The following BLTP3B variants were observed in gnomAD, a reference collection of about 807,000 sequenced individuals.
BLTP3B encodes the protein bridge-like lipid transfer protein family member 3B.
the BLTP3B span, chr12:100,102,777 A>C: frequency 1.9e-6 from 3 of 1,606,680 alleles, no homozygotes; most frequent in Non-Finnish European, 2.5e-6. Context: ...TTTGTCCTGA[A>C]GCAGTTGCAA....
chr12:100,107,289 C>CAA, the BLTP3B span, among the ~76,000 whole-genome samples: 553 of 35,018 alleles, frequency 0.016, no homozygotes, highest in East Asian at 0.03. Context: ...CTCCATCTCC[C>CAA]AAAAAAAAAA....
chr12:100,072,238 G>A, the BLTP3B span, among the ~76,000 whole-genome samples: 3 of 152,002 alleles, frequency 2.0e-5, no homozygotes, highest in Non-Finnish European at 4.4e-5. Context: ...CTCCAGCCTG[G>A]GCAACAGAGC....
the BLTP3B span, among the ~76,000 whole-genome samples, chr12:100,088,508 A>G: frequency 1.3e-5 from 2 of 152,232 alleles, no homozygotes; most frequent in Non-Finnish European, 1.5e-5. Context: ...CAAAATAGGT[A>G]GAAAAACTGC....
At chr12:100,059,212 CAGA>C in the BLTP3B span, 1 of 1,614,042 alleles carries the variant, frequency 6.2e-7, no homozygotes, top group Non-Finnish European at 8.5e-7. Context: ...TCCGTGGCAG[CAGA>C]AGTTTTAAGA....
the BLTP3B span, among the ~76,000 whole-genome samples, chr12:100,105,886 G>A: frequency 6.6e-6 from 1 of 152,152 alleles, no homozygotes; most frequent in African/African-American, 2.4e-5. Flanking sequence ...CCATTAAAAA[G>A]TGAGCAAGGA....
At chr12:100,141,007 C>T in the BLTP3B span, among the ~76,000 whole-genome samples, 3 of 151,836 alleles carry the variant, frequency 2.0e-5, no homozygotes, top group Non-Finnish European at 4.4e-5. Flanking sequence ...CATCCTTGGA[C>T]GAGTGAGAAA....
chr12:100,088,941 CAT>C, the BLTP3B span: 1 of 1,599,566 alleles, frequency 6.3e-7, no homozygotes, highest in Non-Finnish European at 8.5e-7. Flanking sequence ...AATGTCATCA[CAT>C]ATGTGTAGAT....
the BLTP3B span, chr12:100,072,837 G>A: frequency 5.7e-5 from 90 of 1,575,590 alleles, 1 homozygote; most frequent in Non-Finnish European, 7.4e-5. Flanking sequence ...TAAGTTTACT[G>A]AAATCACACT....
chr12:100,088,269 GC>G, the BLTP3B span, among the ~76,000 whole-genome samples: 1 of 152,154 alleles, frequency 6.6e-6, no homozygotes, highest in Non-Finnish European at 1.5e-5. Context: ...AGGCCTACCT[GC>G]TGAACTCAAC....
At chr12:100,121,936 A>G in the BLTP3B span, among the ~76,000 whole-genome samples, 4 of 152,036 alleles carry the variant, frequency 2.6e-5, no homozygotes, top group African/African-American at 9.7e-5. Context: ...TACATACTAT[A>G]TATATACACA....
chr12:100,133,709 T>C, the BLTP3B span, among the ~76,000 whole-genome samples: 1 of 152,170 alleles, frequency 6.6e-6, no homozygotes, highest in Non-Finnish European at 1.5e-5. Flanking sequence ...TATGCTAATA[T>C]TGCAACATCT....
chr12:100,124,936 T>TTATATATATATATATATATA, the BLTP3B span, among the ~76,000 whole-genome samples: 18 of 56,510 alleles, frequency 3.2e-4, no homozygotes, highest in East Asian at 2.2e-3. Flanking sequence ...AAAAAAAATT[T>TTATATATATATATATATATA]TATATATATA....
chr12:100,115,241 C>A, the BLTP3B span, among the ~76,000 whole-genome samples: 1 of 152,012 alleles, frequency 6.6e-6, no homozygotes, highest in Non-Finnish European at 1.5e-5. Context: ...CCCGTCTCCA[C>A]TAAAAATACC....
the BLTP3B span, among the ~76,000 whole-genome samples, chr12:100,048,578 A>G: frequency 6.6e-6 from 1 of 152,170 alleles, no homozygotes; most frequent in Middle Eastern, 3.2e-3. Context: ...CTCAAGAAGT[A>G]ACAAAAGCCT....
chr12:100,047,410 A>G, the BLTP3B span: 1 of 656,874 alleles, frequency 1.5e-6, no homozygotes, highest in Non-Finnish European at 2.6e-6. Flanking sequence ...AGGTAGGAGA[A>G]TCACTCGAAC....
the BLTP3B span, chr12:100,070,288 T>C: frequency 8.3e-7 from 1 of 1,199,318 alleles, no homozygotes; most frequent in Non-Finnish European, 1.1e-6. Context: ...TTTAATTAAT[T>C]AATTTTTTTT....
chr12:100,091,890 C>T, the BLTP3B span, among the ~76,000 whole-genome samples: 1 of 151,014 alleles, frequency 6.6e-6, no homozygotes, highest in African/African-American at 2.4e-5. Flanking sequence ...ACTGCAACAA[C>T]CTCCACCTCC....
the BLTP3B span, chr12:100,039,855 T>C: frequency 0.065 from 92,680 of 1,415,088 alleles, 3,629 homozygotes; most frequent in African/African-American, 0.15. Flanking sequence ...AAAAGTTCCA[T>C]TGTGAAAATC....
At chr12:100,133,636 C>T in the BLTP3B span, among the ~76,000 whole-genome samples, 1 of 152,186 alleles carries the variant, frequency 6.6e-6, no homozygotes, top group Non-Finnish European at 1.5e-5. Context: ...TCACAAATGT[C>T]AATGTTTTAA....
Sources: gnomAD v4.1 joint callset for allele counts (sites outside exome capture counted in the v4.1 genomes callset) on GRCh38, gnomAD v4.1.1 for gene constraint, MANE v1.5 for transcripts, NCBI Gene and HGNC (gene_info 2026-07-23, HGNC 2026-07-21) for gene names.